Variants in DYM observed in about 807,000 individuals in gnomAD.
DYM encodes the protein dyggve-Melchior-Clausen syndrome protein.
A neutral mutation model predicts 93.1 loss-of-function variants in DYM; 78 were observed. That is an observed-to-expected ratio of 0.84 (90% CI 0.70 to 1.01). DYM has a LOEUF of 1.01. DYM is among the 50% of genes least tolerant of loss of function. DYM has a pLI of 0.00. For missense variants in DYM, 789 were observed against 845.0 expected (o/e 0.93, Z 0.82); for synonymous variants, 321 against 319.7 (o/e 1.00, Z -0.04).
At chr18:49,393,250 T>C (rs1354684080) in intron 2 of DYM, among the ~76,000 whole-genome samples, 1 of 152,090 alleles carries the variant, frequency 6.6e-6, no homozygotes, top group East Asian at 1.9e-4. Context: ...ATGCAGCCAC[T>C]ATGGCAAAAA....
chr18:49,107,203 A>G (rs1051461155), intron 16 of DYM, among the ~76,000 whole-genome samples: 3 of 152,150 alleles, frequency 2.0e-5, no homozygotes, highest in African/African-American at 4.8e-5. Context: ...CGAAGTGGCT[A>G]CTGAGGCTTG....
chr18:49,350,579 G>T (rs144852397), intron 6 of DYM, among the ~76,000 whole-genome samples: 1,521 of 152,030 alleles, frequency 0.01, 42 homozygotes, highest in South Asian at 0.076. Context: ...GGTGGCGGGC[G>T]CCTGTAATTC....
At chr18:49,234,531 G>C (rs1018615533) in intron 13 of DYM, among the ~76,000 whole-genome samples, 1 of 152,098 alleles carries the variant, frequency 6.6e-6, no homozygotes, top group African/African-American at 2.4e-5. Flanking sequence ...CTTGAACTAA[G>C]ATGCTTCCTG....
intron 13 of DYM, among the ~76,000 whole-genome samples, chr18:49,220,831 G>C (rs1405854105): frequency 6.6e-6 from 1 of 152,152 alleles, no homozygotes; most frequent in Admixed American, 6.5e-5. Flanking sequence ...ATACCATTCA[G>C]GACATAGGCA....
chr18:49,444,628 A>AT (rs1327666498), intron 1 of DYM, among the ~76,000 whole-genome samples: 2 of 152,178 alleles, frequency 1.3e-5, no homozygotes, highest in East Asian at 3.9e-4. Flanking sequence ...TTCCAGCAGT[A>AT]TTTTTTCATA....
In DYM at chr18:49,118,878, T is replaced by G. The variant is rs2082140025; in HGVS notation, c.1777A>C (p.Ile593Leu). Residue 593 changes from isoleucine to leucine, a missense_variant, in exon 16 of 18, where the codon ATC becomes CTC. Ile to Leu is a conservative substitution (Grantham distance 5). Coordinates refer to ENST00000675505, the MANE Select transcript of DYM (RefSeq NM_001353214.3). ...IEEVIRMMLE[I>L]INSCLTNSLH... is the part of the protein sequence containing the mutation. ...GAATTTGTCAGGCAGGAGTTGATGA[T>G]CTCTAACATCATTCGAATCACTTCT... The G allele has an allele frequency of 6.2e-7, 1 of 1,614,110 alleles. No individual in the cohort carries two copies. Among genetic ancestry groups the G allele is most frequent in the African/African-American group, 1.3e-5 (1 of 75,062 alleles).
intron 14 of DYM, among the ~76,000 whole-genome samples, chr18:49,186,225 T>TA (rs2090421217): frequency 6.6e-6 from 1 of 152,164 alleles, no homozygotes; most frequent in South Asian, 2.1e-4. Context: ...CTTTTTTTAT[T>TA]AAACAATGAA....
At position 49,209,752 on chromosome 18, in the gene DYM, G is replaced by C. The variant is rs2092693773; in HGVS notation, c.1461-37C>G. ...AGGTAAAAGGAGAGAAACAGAAAGA[G>C]AGGAGTTTTCCTTTGAAAAAATAAA... On this transcript the variant is annotated intron_variant, in intron 13 of 17. Transcript: ENST00000675505. 3 of 1,176,100 alleles carry C rather than the reference G, an allele frequency of 2.6e-6. 1 individual carries two copies. Among genetic ancestry groups the C allele is most frequent in the South Asian group, 3.2e-5 (2 of 62,006 alleles). 72.9% of individuals were successfully genotyped at this position (1,176,100 alleles called of 1,614,324 possible).
rs777830697 is a variant in DYM, at chr18:49,097,393, C to A, written c.2025+9G>T. ...CAGTGTCAAGTGGACATTTCTTTAG[C>A]CTTCTTACCTTCAGTCTGTCTTTGG... On this transcript the variant is annotated intron_variant, in intron 17 of 17. Transcript: ENST00000675505. 8 of 1,613,330 alleles carry A rather than the reference C, an allele frequency of 5.0e-6. No individual in the cohort carries two copies. The highest frequency in any genetic ancestry group is 1.7e-5 in the Admixed American group (1 of 59,974).
chr18:49,091,737 T>G (rs577498072), intron 17 of DYM, among the ~76,000 whole-genome samples: 1 of 152,150 alleles, frequency 6.6e-6, no homozygotes, highest in South Asian at 2.1e-4. Flanking sequence ...AATATTTATT[T>G]ATTTATTTAT....
chr18:49,228,100 C>A (rs1232456075), intron 13 of DYM, among the ~76,000 whole-genome samples: 2 of 152,120 alleles, frequency 1.3e-5, no homozygotes, highest in African/African-American at 2.4e-5. Flanking sequence ...TCTTTGAGGG[C>A]AGATGTTGAG....
intron 17 of DYM, among the ~76,000 whole-genome samples, chr18:49,053,997 T>C (rs2075254151): frequency 6.6e-6 from 1 of 152,142 alleles, no homozygotes; most frequent in Non-Finnish European, 1.5e-5. Flanking sequence ...TTCTGGCGAA[T>C]ACTGGGGCCA....
intron 6 of DYM, among the ~76,000 whole-genome samples, chr18:49,342,812 G>A (rs1028077400): frequency 2.6e-5 from 4 of 152,164 alleles, no homozygotes; most frequent in African/African-American, 9.7e-5. Context: ...CAGGTTTGTA[G>A]CCTAGGAGCA....
chr18:49,096,436 T>C (rs1465660544), intron 17 of DYM, among the ~76,000 whole-genome samples: 5 of 152,186 alleles, frequency 3.3e-5, no homozygotes, highest in Non-Finnish European at 5.9e-5. Flanking sequence ...CTGAAAAACA[T>C]AGCCCCCAAA....
intron 12 of DYM, 65 bp downstream of exon 12, chr18:49,258,315 G>T (rs1031836789): frequency 6.0e-6 from 7 of 1,157,540 alleles, no homozygotes; most frequent in Non-Finnish European, 3.9e-6. Flanking sequence ...AATTGGGATT[G>T]CTTTAAACTA....
intron 6 of DYM, among the ~76,000 whole-genome samples, chr18:49,343,264 T>G (rs1448084131): frequency 1.3e-5 from 2 of 152,190 alleles, no homozygotes; most frequent in African/African-American, 2.4e-5. Context: ...CCATACTAAC[T>G]TATCTTCTAC....
chr18:49,171,468 C>T (rs1165247418), intron 14 of DYM, among the ~76,000 whole-genome samples: 1 of 152,058 alleles, frequency 6.6e-6, no homozygotes, highest in Non-Finnish European at 1.5e-5. Context: ...ATAAAGAAAC[C>T]TAGGTGTAGA....
chr18:49,176,128 CT>C (rs1259977566), intron 14 of DYM, among the ~76,000 whole-genome samples: 1 of 152,034 alleles, frequency 6.6e-6, no homozygotes, highest in East Asian at 1.9e-4. Flanking sequence ...TGAATTTCCC[CT>C]AGCTAAGGTA....
Position 49,163,834 on chromosome 18 carries a change from T to C in DYM, c.1626-47A>G, listed in dbSNP as rs1600258060. 3.3e-6 allele frequency: 4 copies of C among 1,230,000 alleles called. No individual in the cohort carries two copies. The East Asian group carries it at 1.0e-4, about 31-fold the overall frequency. The allele number at this position is 1,230,000 out of a possible 1,614,324, so 76.2% of individuals were successfully genotyped here. ...CAATTATATTAAAGGAACTGTTTTC[T>C]TTTCTGTCTTCTGTGGAAATATATA... On this transcript the variant is annotated intron_variant, in intron 14 of 17. Coordinates refer to ENST00000675505, the MANE Select transcript of DYM (RefSeq NM_001353214.3).
Sources: allele counts gnomAD v4.1 joint callset (sites outside exome capture counted in the v4.1 genomes callset), GRCh38; gene constraint gnomAD v4.1.1; transcripts MANE v1.5; gene names NCBI Gene and HGNC (gene_info 2026-07-23, HGNC 2026-07-21).